PRKDC: variants seen among roughly 807,000 people sequenced by gnomAD.
PRKDC encodes DNA-dependent protein kinase catalytic subunit.
A neutral mutation model predicts 486.9 loss-of-function variants in PRKDC; 82 were observed. The ratio of observed to expected loss-of-function variants is 0.17; its 90% CI spans 0.14 to 0.20. The LOEUF (loss-of-function observed/expected upper bound fraction) is 0.20. Ranked by LOEUF, PRKDC falls within the 10% of genes least tolerant of loss-of-function variation. PRKDC has a pLI of 1.00. For synonymous variants in PRKDC, 1,895 were observed against 1,837.0 expected (o/e 1.03, Z -0.81); for missense variants, 4,504 against 5,038.2 (o/e 0.89, Z 3.21).
intron 44 of PRKDC, 43 bp from the exon 45 acceptor site, chr8:47,861,014 AAT>A (rs2088665940): frequency 7.6e-7 from 1 of 1,321,434 alleles, no homozygotes; most frequent in South Asian, 1.4e-5. Context: ...ATTTTATAAT[AAT>A]AGTGATACTT....
intron 56 of PRKDC, 128 bp from the exon 57 acceptor site, chr8:47,837,547 A>G: frequency 1.5e-6 from 1 of 655,180 alleles, no homozygotes; most frequent in Admixed American, 2.9e-5. Flanking sequence ...GAGGGAAACC[A>G]CCTTCAACTA....
chr8:47,777,045 C>G (rs1451954140), intron 84 of PRKDC, 62 bp from the exon 85 acceptor site: 3 of 1,529,162 alleles, frequency 2.0e-6, no homozygotes, highest in Non-Finnish European at 2.6e-6. Context: ...CATGCCCAAA[C>G]AGATTAAATC....
At chr8:47,862,617 C>T in intron 42 of PRKDC, 76 bp from the exon 43 acceptor site, 1 of 1,411,250 alleles carries the variant, frequency 7.1e-7, no homozygotes, top group Non-Finnish European at 9.6e-7. Context: ...TGCCAGACAA[C>T]AGGACCTAAT....
At chr8:47,889,314 G>T in intron 32 of PRKDC, 92 bp from the exon 33 acceptor site, 1 of 1,074,008 alleles carries the variant, frequency 9.3e-7, no homozygotes, top group Non-Finnish European at 1.3e-6. Flanking sequence ...ACTTCTGCCT[G>T]ACTAAGGGAG....
chr8:47,851,695 G>A lies in PRKDC; in HGVS notation c.7005+978C>T, dbSNP rs528485282. ...TCTACATAAAGCCATGAGGCTGGAC[G>A]AGGCGGGCAGGGGAGCAGTGAGTGA... On this transcript the variant is annotated intron_variant, in intron 52 of 85. Transcript: ENST00000314191. Among the ~76,000 whole-genome samples the A allele has an allele frequency of 4.5e-4, 68 of 152,354 alleles. 1 individual carries two copies. The highest frequency in any genetic ancestry group is 1.6e-3 in the African/African-American group (65 of 41,590).
intron 10 of PRKDC, among the ~76,000 whole-genome samples, chr8:47,941,747 G>A (rs1234030316): frequency 6.6e-6 from 1 of 152,232 alleles, no homozygotes; most frequent in Non-Finnish European, 1.5e-5. Context: ...CATCAGCCCT[G>A]AGGGCAGCAT....
chr8:47,903,828 A>G (rs2089726953), intron 26 of PRKDC, among the ~76,000 whole-genome samples: 1 of 152,230 alleles, frequency 6.6e-6, no homozygotes, highest in Non-Finnish European at 1.5e-5. Flanking sequence ...CTGAATGTAA[A>G]TAAGCCATAA....
intron 25 of PRKDC, among the ~76,000 whole-genome samples, chr8:47,907,288 C>T (rs1391620352): frequency 6.7e-6 from 1 of 148,694 alleles, no homozygotes; most frequent in Non-Finnish European, 1.5e-5. Context: ...GATCCACCCA[C>T]CTCGGCCTCC....
At chr8:47,934,977 T>A in intron 14 of PRKDC, 32 bp downstream of exon 14, 1 of 1,457,584 alleles carries the variant, frequency 6.9e-7, no homozygotes, top group Non-Finnish European at 9.3e-7. Context: ...TGATAACAGA[T>A]TAATTTTCTA....
chr8:47,932,963 T>C, intron 16 of PRKDC, 57 bp downstream of exon 16: 1 of 1,455,614 alleles, frequency 6.9e-7, no homozygotes, highest in Non-Finnish European at 9.3e-7. Context: ...AATATTTATA[T>C]GCAAAGACAG....
intron 3 of PRKDC, among the ~76,000 whole-genome samples, chr8:47,956,788 C>T (rs1283944603): frequency 4.0e-5 from 6 of 149,354 alleles, no homozygotes; most frequent in Admixed American, 4.0e-4. Flanking sequence ...GCTCTTGTCG[C>T]CCAGGCTGCA....
At position 47,912,535 on chromosome 8, in the gene PRKDC, T is replaced by C; in HGVS notation, c.2809A>G (p.Met937Val). ...GCTTTGCCCAACATAAACATAACCATGCTATGTAAAAGTTCACAGGCTGCA... is the reference window on the plus strand; with the variant it reads ...GCTTTGCCCAACATAAACATAACCACGCTATGTAAAAGTTCACAGGCTGCA... ...KVAACELLHSMVMFMLGKATQ... is the reference protein window; with the variant it reads ...KVAACELLHSVVMFMLGKATQ... Residue 937 changes from methionine (M) to valine (V), a missense_variant, in exon 25 of 86, where the codon ATG becomes GTG. Transcript: ENST00000314191. The C allele has an allele frequency of 6.2e-7, 1 of 1,612,700 alleles. No homozygotes were observed. Among genetic ancestry groups the C allele is most frequent in the South Asian group, 1.1e-5 (1 of 90,882 alleles).
In PRKDC at chr8:47,871,691, A is replaced by C. The variant is rs1309730958; in HGVS notation, c.5363+6033T>G. Reference sequence around the variant, plus strand: ...TTAGCTCACTGCGACCTCCACCTCCAGGGTTCAAGCGATTCTCCTGCCTCA... The same window carrying C: ...TTAGCTCACTGCGACCTCCACCTCCCGGGTTCAAGCGATTCTCCTGCCTCA... On this transcript the variant is annotated intron_variant, in intron 40 of 85. Transcript: ENST00000314191. 2.0e-5 allele frequency among the ~76,000 whole-genome samples: 3 copies of C among 151,974 alleles called. No homozygotes were observed. The East Asian group carries it at 5.8e-4, about 29-fold the overall frequency.
rs559349334 is a variant in PRKDC, at chr8:47,893,166, T to C, written c.3820A>G (p.Arg1274Gly). The change falls in exon 31 of 86, where the codon AGA (arginine) becomes GGA (glycine). Residue 1274 changes from arginine (R) to glycine (G), a missense_variant. Physicochemically the swap from Arg to Gly is moderately radical, Grantham distance 125. Coordinates refer to ENST00000314191, the MANE Select transcript of PRKDC (RefSeq NM_006904.7). The stretch of plus-strand genomic sequence containing the variant: ...AGGACCTGGAGCGCTCCTACAGTTC[T>C]CTCGCCAATGAACGTGTTGTAGCAC... ...LECYNTFIGERTVGALQVLGT... is the reference protein window; with the variant it reads ...LECYNTFIGEGTVGALQVLGT... 104 of 1,612,080 alleles carry C rather than the reference T, an allele frequency of 6.5e-5. No homozygotes were observed. The highest frequency in any genetic ancestry group is 5.0e-4 in the Middle Eastern group (3 of 6,054).
chr8:47,810,613 T>C (rs2087306104), intron 68 of PRKDC, among the ~76,000 whole-genome samples: 1 of 152,178 alleles, frequency 6.6e-6, no homozygotes, highest in Non-Finnish European at 1.5e-5. Flanking sequence ...TGCTGACCCA[T>C]ATGCTGGAAT....
intron 69 of PRKDC, 73 bp downstream of exon 69, chr8:47,807,064 A>T: frequency 2.1e-6 from 3 of 1,445,312 alleles, no homozygotes; most frequent in East Asian, 4.8e-5. Context: ...CTCTAAAGAA[A>T]AGCTAAAATT....
In PRKDC at chr8:47,821,641, G is replaced by A; in HGVS notation, c.9074C>T (p.Pro3025Leu). The A allele has an allele frequency of 6.2e-7, 1 of 1,601,946 alleles. No individual in the cohort carries two copies. Among genetic ancestry groups the A allele is most frequent in the Non-Finnish European group, 8.5e-7 (1 of 1,173,208 alleles). Reference sequence around the variant, plus strand: ...TTCACTCCAGATTTTATTTAGGTCTGGGGGGTTCTCACTGTCTATACTGGC... The same window carrying A: ...TTCACTCCAGATTTTATTTAGGTCTAGGGGGTTCTCACTGTCTATACTGGC... ...STASIDSENP[P>L]DLNKIWSEPF... Residue 3025 changes from proline (P) to leucine (L), a missense_variant, in exon 65 of 86, where the codon CCA becomes CTA. By Grantham distance (98) the Pro-to-Leu change is moderately conservative. Around this residue, in one of 6 missense-constraint regions of PRKDC, gnomAD observed 1,592 missense variants for 1,724.6 expected, o/e 0.92. Coordinates refer to ENST00000314191, the MANE Select transcript of PRKDC (RefSeq NM_006904.7).
In PRKDC at chr8:47,956,977, CCAAAAAAA is replaced by C. The variant is rs1243894914; in HGVS notation, c.324+186_324+193del. Among the ~76,000 whole-genome samples the C allele has an allele frequency of 9.6e-4, 11 of 11,466 alleles. No homozygotes were observed. The East Asian group carries it at 0.051, about 53-fold the overall frequency. The allele number at this position is 11,466 out of a possible 152,430, so 7.5% of individuals were successfully genotyped here. A position where few individuals can be genotyped will look rare whatever the true frequency, so the allele number is the denominator to read the frequency against. On this transcript the variant is annotated intron_variant, in intron 3 of 85. Coordinates refer to ENST00000314191, the MANE Select transcript of PRKDC (RefSeq NM_006904.7). ...GGGCAACAAGAGCAAAACTCCTTCT[CCAAAAAAA>C]AAAAAAAAAAAAAAAACCTAATGAA... is the stretch of plus-strand genomic sequence containing the variant.
Position 47,960,020 on chromosome 8 carries a change from C to T in PRKDC, c.107G>A (p.Arg36His). 1 of 1,534,554 alleles carries T rather than the reference C, an allele frequency of 6.5e-7. No homozygotes were observed. Among genetic ancestry groups the T allele is most frequent in the East Asian group, 2.4e-5 (1 of 40,880 alleles). ...GAALAGHQLI[R>H]GLGQECVLSS... is the part of the protein sequence containing the mutation. ...CAGGACGCATTCCTGCCCCAGGCCG[C>T]GGATCAGTTGATGACCGGCCAGGGC... is the stretch of plus-strand genomic sequence containing the variant. The change falls in exon 1 of 86, where the codon CGC (arginine) becomes CAC (histidine). Residue 36 changes from arginine (R) to histidine (H), a missense_variant. Physicochemically the swap from Arg to His is conservative, Grantham distance 29. Around this residue, in one of 6 missense-constraint regions of PRKDC, gnomAD observed 145 missense variants for 136.3 expected, o/e 1.06. Coordinates refer to ENST00000314191, the MANE Select transcript of PRKDC (RefSeq NM_006904.7).
Sources: gnomAD v4.1 joint callset for allele counts (sites outside exome capture counted in the v4.1 genomes callset) on GRCh38, gnomAD v4.1.1 for gene constraint, gnomAD v4.1.1 regional missense constraint, MANE v1.5 for transcripts, NCBI Gene and HGNC (gene_info 2026-07-23, HGNC 2026-07-21) for gene names.